Variants in AFDN observed in about 807,000 individuals in gnomAD.
AFDN encodes afadin.
A neutral mutation model predicts 216.6 loss-of-function variants in AFDN; 68 were observed. The observed-to-expected ratio is 0.31, with a 90% CI of 0.26 to 0.38. The LOEUF (loss-of-function observed/expected upper bound fraction) is 0.38. Among genes scored for constraint, AFDN ranks in the 10% least tolerant of loss-of-function variants. The pLI is 1.00. For missense variants in AFDN, 2,136 were observed against 2,342.0 expected (o/e 0.91, Z 1.82); for synonymous variants, 868 against 853.7 (o/e 1.02, Z -0.29).
chr6:167,956,940 C>T (rs762087240), intron 30 of AFDN, among the ~76,000 whole-genome samples: 27 of 152,196 alleles, frequency 1.8e-4, no homozygotes, highest in Non-Finnish European at 2.9e-4. Flanking sequence ...AGCAGTCTCA[C>T]GAGAATGTCC....
At chr6:167,913,499 G>A (rs566439170) in intron 16 of AFDN, 76 bp downstream of exon 16, 2 of 1,346,130 alleles carry the variant, frequency 1.5e-6, no homozygotes, top group South Asian at 2.5e-5. Flanking sequence ...TGTCAAATAA[G>A]TAATACAACA....
intron 23 of AFDN, among the ~76,000 whole-genome samples, chr6:167,937,709 A>G (rs1794182434): frequency 6.6e-6 from 1 of 152,248 alleles, no homozygotes; most frequent in Admixed American, 6.5e-5. Flanking sequence ...CCTGACAATC[A>G]TGGATTTGAG....
chr6:167,862,396 G>A, intron 1 of AFDN, among the ~76,000 whole-genome samples: 1 of 149,952 alleles, frequency 6.7e-6, no homozygotes. Context: ...TTTTTTTTTA[G>A]ATGAAGTCTT....
At position 167,947,837 on chromosome 6, in the gene AFDN, C is replaced by G. The variant is rs1189582286; in HGVS notation, c.3554-16C>G. On this transcript the variant is annotated splice_polypyrimidine_tract_variant and intron_variant, in intron 27 of 33. Coordinates refer to ENST00000683244, the MANE Select transcript of AFDN (RefSeq NM_001386888.1). ...TTTAATATTACACTTTTTTTTTTCCCCCCTGACTTGAGCAGATCAGCCTCC... is the reference window on the plus strand; with the variant it reads ...TTTAATATTACACTTTTTTTTTTCCGCCCTGACTTGAGCAGATCAGCCTCC... The G allele has an allele frequency of 6.4e-7, 1 of 1,565,586 alleles. No homozygotes were observed. Among genetic ancestry groups the G allele is most frequent in the African/African-American group, 1.4e-5 (1 of 72,778 alleles).
chr6:167,965,497 GTGAC>G (rs1797449927), intron 31 of AFDN, among the ~76,000 whole-genome samples: 1 of 152,236 alleles, frequency 6.6e-6, no homozygotes, highest in South Asian at 2.1e-4. Flanking sequence ...AAAGGCATAA[GTGAC>G]TGGGAAGCAG....
At chr6:167,827,446 G>T (rs1403554832) in intron 1 of AFDN, among the ~76,000 whole-genome samples, 2 of 145,866 alleles carry the variant, frequency 1.4e-5, no homozygotes, top group Admixed American at 1.4e-4. Flanking sequence ...GTATCCCGGG[G>T]TCGCGCGGGC....
At chr6:167,944,330 A>G (rs936650376) in intron 26 of AFDN, among the ~76,000 whole-genome samples, 1 of 152,130 alleles carries the variant, frequency 6.6e-6, no homozygotes, top group African/African-American at 2.4e-5. Flanking sequence ...GTGAGCTTCC[A>G]TAGGCCCGGC....
chr6:167,827,002 GGCGGAGGCAGCC>G lies in AFDN; in HGVS notation c.-122_-111del, dbSNP rs1176755812. 341 of 205,926 alleles carry G rather than the reference GGCGGAGGCAGCC, an allele frequency of 1.7e-3. No individual in the cohort carries two copies. The highest frequency in any genetic ancestry group is 2.5e-3 in the Non-Finnish European group (298 of 120,184). The allele number at this position is 205,926 out of a possible 1,614,324, so 12.8% of individuals were successfully genotyped here. ...TCGGAGGACGCGGCGCGGCCGCGGA[GGCGGAGGCAGCC>G]GCGGAGGCGGAGGCGGCCGGCGGGG... On this transcript the variant is annotated 5_prime_UTR_variant, in exon 1 of 34. Transcript: ENST00000683244.
chr6:167,912,619 T>G (rs576861837), intron 15 of AFDN, among the ~76,000 whole-genome samples: 1 of 152,358 alleles, frequency 6.6e-6, no homozygotes, highest in Non-Finnish European at 1.5e-5. Context: ...ATGGATTTCC[T>G]TTTCAGTTGT....
In AFDN at chr6:167,952,022, C is replaced by T; in HGVS notation, c.4668C>T (p.Arg1556=). 1 of 1,614,180 alleles carries T rather than the reference C, an allele frequency of 6.2e-7. No homozygotes were observed. The highest frequency in any genetic ancestry group is 8.5e-7 in the Non-Finnish European group (1 of 1,180,030). The change falls in exon 30 of 34, where the codon CGC becomes CGT. Residue 1556 remains arginine (R), a synonymous_variant. Coordinates refer to ENST00000683244, the MANE Select transcript of AFDN (RefSeq NM_001386888.1). ...AGGAGCTCCAGAGCAAACCGGACCGCAGCGCCGAGGAGAGCGACCGGCTGC... is the reference window on the plus strand; with the variant it reads ...AGGAGCTCCAGAGCAAACCGGACCGTAGCGCCGAGGAGAGCGACCGGCTGC... ...EIQELQSKPD[R]SAEESDRLRK... is the part of the protein sequence containing the mutation.
At chr6:167,846,906 AATTGT>A (rs952854293) in intron 1 of AFDN, among the ~76,000 whole-genome samples, 25 of 152,264 alleles carry the variant, frequency 1.6e-4, no homozygotes, top group African/African-American at 6.0e-4. Context: ...GACATTCAAT[AATTGT>A]ATTATTGTTT....
intron 6 of AFDN, among the ~76,000 whole-genome samples, chr6:167,883,757 G>A (rs972670072): frequency 1.3e-5 from 2 of 152,210 alleles, no homozygotes; most frequent in African/African-American, 4.8e-5. Flanking sequence ...TGGTGCAGGG[G>A]CTTGCGTGGA....
At position 167,860,313 on chromosome 6, in the gene AFDN, A is replaced by G. The variant is rs1005409808; in HGVS notation, c.106-4238A>G. Reference sequence around the variant, plus strand: ...GTTTTGCTTTCCAGCATTCTTATCAATTGAGAACAGACAACCACAGCTGGC... The same window carrying G: ...GTTTTGCTTTCCAGCATTCTTATCAGTTGAGAACAGACAACCACAGCTGGC... On this transcript the variant is annotated intron_variant, in intron 1 of 33. Coordinates refer to ENST00000683244, the MANE Select transcript of AFDN (RefSeq NM_001386888.1). Among the ~76,000 whole-genome samples the G allele has an allele frequency of 5.3e-5, 8 of 152,194 alleles. No homozygotes were observed. The South Asian group carries it at 1.7e-3, about 32-fold the overall frequency.
intron 32 of AFDN, chr6:167,968,885 C>T (rs968090390): frequency 1.0e-5 from 5 of 484,274 alleles, no homozygotes; most frequent in African/African-American, 2.0e-5. Flanking sequence ...TAGTGAAGGG[C>T]GTCAGGTCAA....
chr6:167,944,020 G>T lies in AFDN; in HGVS notation c.3319G>T (p.Ala1107Ser). 6.2e-7 allele frequency: 1 copy of T among 1,614,096 alleles called. No individual in the cohort carries two copies. Among genetic ancestry groups the T allele is most frequent in the Non-Finnish European group, 8.5e-7 (1 of 1,179,980 alleles). ...GCAGGGTGCCATCTACCACGGTCTG[G>T]CCACCCTTCTCAATCAGCCATCCCC... Reference protein sequence around the residue: ...AKQGAIYHGLATLLNQPSPMM... With the variant: ...AKQGAIYHGLSTLLNQPSPMM... Residue 1107 changes from alanine to serine, a missense_variant, in exon 26 of 34, where the codon GCC becomes TCC. Transcript: ENST00000683244.
At chr6:167,870,624 C>G in intron 3 of AFDN, 126 bp downstream of exon 3, 1 of 496,738 alleles carries the variant, frequency 2.0e-6, no homozygotes, top group Non-Finnish European at 3.6e-6. Context: ...CCCTTTTACC[C>G]TCCTCCCAGA....
chr6:167,943,957 A>G lies in AFDN; in HGVS notation c.3256A>G (p.Thr1086Ala). The stretch of plus-strand genomic sequence containing the variant: ...TTCTCCTAGGGCGGCAGAACTCATG[A>G]CAAGAACAAGCTCTGTGGTGACACT... The part of the protein sequence containing the change: ...LSQERAAELM[T>A]RTSSVVTLEV... Residue 1086 changes from threonine (T) to alanine (A), a missense_variant, in exon 26 of 34, where the codon ACA (threonine) becomes GCA (alanine). Coordinates refer to ENST00000683244, the MANE Select transcript of AFDN (RefSeq NM_001386888.1). 3 of 1,614,192 alleles carry G rather than the reference A, an allele frequency of 1.9e-6. No individual in the cohort carries two copies. The highest frequency in any genetic ancestry group is 2.5e-6 in the Non-Finnish European group (3 of 1,180,012).
chr6:167,882,659 A>G (rs986219874), intron 6 of AFDN, among the ~76,000 whole-genome samples: 1 of 152,126 alleles, frequency 6.6e-6, no homozygotes, highest in Non-Finnish European at 1.5e-5. Context: ...ACAAACAAAC[A>G]AAAAAGAAAA....
rs1460573768 is a variant in AFDN at position 167,898,332 on chromosome 6, T to C, written c.1445T>C (p.Met482Thr). ...VEGQRISETTMLQSGMKVQFG... is the reference protein window; with the variant it reads ...VEGQRISETTTLQSGMKVQFG... ...GGCCAGCGCATCTCAGAAACCACCATGCTGCAGAGTGGCATGAAAGTGCAG... is the reference window on the plus strand; with the variant it reads ...GGCCAGCGCATCTCAGAAACCACCACGCTGCAGAGTGGCATGAAAGTGCAG... Residue 482 changes from methionine (M) to threonine (T), a missense_variant, in exon 11 of 34, where the codon ATG (methionine) becomes ACG (threonine). Met to Thr is a moderately conservative substitution (Grantham distance 81). Around this residue, in one of 8 missense-constraint regions of AFDN, gnomAD observed 817 missense variants for 965.7 expected, o/e 0.85. Transcript: ENST00000683244. 1.9e-6 allele frequency: 3 copies of C among 1,614,046 alleles called. No individual in the cohort carries two copies. Among genetic ancestry groups the C allele is most frequent in the Non-Finnish European group, 2.5e-6 (3 of 1,180,034 alleles).
Sources: gnomAD v4.1 joint callset for allele counts (sites outside exome capture counted in the v4.1 genomes callset) on GRCh38, gnomAD v4.1.1 for gene constraint, gnomAD v4.1.1 regional missense constraint, MANE v1.5 for transcripts, NCBI Gene and HGNC (gene_info 2026-07-23, HGNC 2026-07-21) for gene names.